Variants in ADAMTSL1 observed in about 807,000 individuals in gnomAD.
The protein encoded by ADAMTSL1 is ADAMTS like 1, also known as ADAMTS-like protein 1.
ADAMTSL1 carries 126 observed loss-of-function variants against 201.8 expected under a neutral mutation model. The ratio of observed to expected loss-of-function variants is 0.62; its 90% CI spans 0.54 to 0.72. ADAMTSL1 has a LOEUF of 0.72. Ranked by LOEUF, ADAMTSL1 falls within the 30% of genes least tolerant of loss-of-function variation. The probability of loss-of-function intolerance (pLI) is 0.00; values close to 1 mark genes in which losing one functional copy is unlikely to be tolerated. For missense variants in ADAMTSL1, 2,679 were observed against 2,277.8 expected, an observed-to-expected ratio of 1.18 and a Z score of -3.59; for synonymous variants, 1,121 against 903.4, an observed-to-expected ratio of 1.24 and a Z score of -4.32.
chr9:18,622,183 A>G, intron 4 of ADAMTSL1, 60 bp from the exon 5 acceptor site: 1 of 1,588,236 alleles, frequency 6.3e-7, no homozygotes, highest in Non-Finnish European at 8.6e-7. Flanking sequence ...GATTGGCCTC[A>G]TAATGGATTT....
At chr9:18,892,935 A>G (rs987761530) in intron 26 of ADAMTSL1, among the ~76,000 whole-genome samples, 6 of 151,920 alleles carry the variant, frequency 3.9e-5, no homozygotes, top group Admixed American at 6.6e-5. Context: ...GCGACTTTCT[A>G]TTAAGTTAAC....
At chr9:18,721,331 G>A (rs1383338714) in intron 14 of ADAMTSL1, among the ~76,000 whole-genome samples, 1 of 152,176 alleles carries the variant, frequency 6.6e-6, no homozygotes, top group Non-Finnish European at 1.5e-5. Context: ...TGCTCACAGA[G>A]GCAACAAGCT....
chr9:18,719,373 G>C (rs1255386558), intron 14 of ADAMTSL1, among the ~76,000 whole-genome samples: 1 of 152,098 alleles, frequency 6.6e-6, no homozygotes, highest in East Asian at 1.9e-4. Flanking sequence ...TTGAGACGGA[G>C]TTTTGCTTTT....
At position 18,586,625 on chromosome 9, in the gene ADAMTSL1, G is replaced by T. The variant is rs574362179; in HGVS notation, c.474+12359G>T. 5.9e-5 allele frequency among the ~76,000 whole-genome samples: 9 copies of T among 152,074 alleles called. No homozygotes were observed. The South Asian group carries it at 1.9e-3, about 32-fold the overall frequency. ...AAATTCATATGGAATTTTAAAAAGA[G>T]CCCCATAGTCAAGGCAATCCTAGAC... On this transcript the variant is annotated intron_variant, in intron 4 of 28. Transcript: ENST00000380548.
intron 1 of ADAMTSL1, among the ~76,000 whole-genome samples, chr9:17,957,866 G>C (rs1486669276): frequency 6.6e-6 from 1 of 152,058 alleles, no homozygotes; most frequent in Non-Finnish European, 1.5e-5. Context: ...GCTAAGAAGA[G>C]GAGAGGAAGA....
intron 4 of ADAMTSL1, among the ~76,000 whole-genome samples, chr9:18,609,529 A>T (rs549573865): frequency 6.6e-6 from 1 of 152,066 alleles, no homozygotes; most frequent in Non-Finnish European, 1.5e-5. Flanking sequence ...CTTACTTCCT[A>T]TATGCTGTTG....
intron 2 of ADAMTSL1, among the ~76,000 whole-genome samples, chr9:18,203,307 G>C (rs1290726141): frequency 1.3e-5 from 2 of 151,998 alleles, no homozygotes; most frequent in Non-Finnish European, 2.9e-5. Context: ...ATGAGTTCCA[G>C]GCTGCACCAT....
intron 1 of ADAMTSL1, among the ~76,000 whole-genome samples, chr9:17,941,304 A>C (rs907337722): frequency 6.6e-6 from 1 of 151,996 alleles, no homozygotes; most frequent in African/African-American, 2.4e-5. Context: ...ATAAATTTGG[A>C]TTTTCAATTT....
At chr9:18,026,400 A>G (rs1586913317) in intron 1 of ADAMTSL1, among the ~76,000 whole-genome samples, 1 of 151,908 alleles carries the variant, frequency 6.6e-6, no homozygotes, top group South Asian at 2.1e-4. Flanking sequence ...TACTTTGTTT[A>G]GGGTTTTACT....
intron 1 of ADAMTSL1, among the ~76,000 whole-genome samples, chr9:17,991,078 G>A (rs554672639): frequency 2.8e-4 from 42 of 152,092 alleles, no homozygotes; most frequent in Non-Finnish European, 5.4e-4. Flanking sequence ...AAATAATTGA[G>A]GCAGAGGATG....
chr9:18,076,351 G>T (rs373470586), intron 1 of ADAMTSL1, among the ~76,000 whole-genome samples: 1 of 152,152 alleles, frequency 6.6e-6, no homozygotes, highest in East Asian at 1.9e-4. Context: ...TCCTCGTGAG[G>T]TGGACACAGG....
intron 2 of ADAMTSL1, among the ~76,000 whole-genome samples, chr9:18,335,160 AG>A (rs1280668014): frequency 1.3e-5 from 2 of 152,142 alleles, no homozygotes; most frequent in African/African-American, 4.8e-5. Flanking sequence ...CTTCTTTCCA[AG>A]GGGCTCCATT....
intron 1 of ADAMTSL1, among the ~76,000 whole-genome samples, chr9:18,125,205 C>A (rs151033524): frequency 1.7e-3 from 259 of 152,234 alleles, no homozygotes; most frequent in East Asian, 3.7e-3. Context: ...AGCAAGTCGC[C>A]TCTTACACGG....
intron 2 of ADAMTSL1, among the ~76,000 whole-genome samples, chr9:18,449,747 A>G (rs1820332956): frequency 6.6e-6 from 1 of 152,228 alleles, no homozygotes; most frequent in Admixed American, 6.5e-5. Flanking sequence ...CAGATGATAG[A>G]TGCAGGTGTC....
At position 18,638,158 on chromosome 9, in the gene ADAMTSL1, C is replaced by T. The variant is rs73644625; in HGVS notation, c.677-1096C>T. On this transcript the variant is annotated intron_variant, in intron 6 of 28. Transcript: ENST00000380548. ...CCTGGCCTACTCCAGAAGAAAGTCT[C>T]CACAGACTTCATTTGAGAATCACTG... Among the ~76,000 whole-genome samples, 754 of 152,124 alleles carry T rather than the reference C, an allele frequency of 5.0e-3. 4 individuals are homozygous for T. Among genetic ancestry groups the T allele is most frequent in the African/African-American group, 0.017 (703 of 41,512 alleles).
At chr9:18,715,473 A>G (rs564711856) in intron 14 of ADAMTSL1, among the ~76,000 whole-genome samples, 1 of 152,166 alleles carries the variant, frequency 6.6e-6, no homozygotes, top group African/African-American at 2.4e-5. Flanking sequence ...TCATGCGTGA[A>G]CTCCCATTCA....
intron 25 of ADAMTSL1, chr9:18,890,727 C>A (rs1829199033): frequency 2.8e-6 from 1 of 362,470 alleles, no homozygotes; most frequent in South Asian, 2.1e-5. Context: ...TCAAACCCCC[C>A]CCACCCCAGC....
At chr9:18,457,384 T>G (rs1820646292) in intron 2 of ADAMTSL1, among the ~76,000 whole-genome samples, 1 of 152,222 alleles carries the variant, frequency 6.6e-6, no homozygotes, top group African/African-American at 2.4e-5. Flanking sequence ...CAGACTGGAA[T>G]GCAGTGGTGT....
chr9:18,198,329 A>G (rs972559147), intron 2 of ADAMTSL1, among the ~76,000 whole-genome samples: 4 of 146,328 alleles, frequency 2.7e-5, no homozygotes, highest in Non-Finnish European at 4.5e-5. Flanking sequence ...GCAACCTACA[A>G]AATGGGAGAA....
Sources: gnomAD v4.1 joint callset for allele counts (sites outside exome capture counted in the v4.1 genomes callset) on GRCh38, gnomAD v4.1.1 for gene constraint, MANE v1.5 for transcripts, NCBI Gene and HGNC (gene_info 2026-07-23, HGNC 2026-07-21) for gene names.